The following SUCLG2 variants were observed in gnomAD, a reference collection of about 807,000 sequenced individuals.
SUCLG2 encodes succinate--CoA ligase [GDP-forming] subunit beta, mitochondrial.
A neutral mutation model predicts 47.9 loss-of-function variants in SUCLG2; 42 were observed. The ratio of observed to expected loss-of-function variants is 0.88; its 90% CI spans 0.69 to 1.14. SUCLG2 has a LOEUF of 1.14. Among genes scored for constraint, SUCLG2 ranks in the 50% most tolerant of loss-of-function variants. SUCLG2 has a pLI of 0.00. For synonymous variants in SUCLG2, 195 were observed against 197.3 expected (o/e 0.99, Z 0.10); for missense variants, 571 against 525.9 (o/e 1.09, Z -0.84).
chr3:67,399,602 T>A (rs1702637745), intron 10 of SUCLG2, among the ~76,000 whole-genome samples: 2 of 151,966 alleles, frequency 1.3e-5, no homozygotes, highest in South Asian at 4.1e-4. Context: ...ATGATGGTGG[T>A]AATATTAACA....
At chr3:67,365,260 C>T (rs1701859281) in intron 10 of SUCLG2, among the ~76,000 whole-genome samples, 1 of 152,094 alleles carries the variant, frequency 6.6e-6, no homozygotes, top group Admixed American at 6.5e-5. Flanking sequence ...TGAAAATTTA[C>T]CAAATTTGGC....
At position 67,580,997 on chromosome 3, in the gene SUCLG2, T is replaced by C. The variant is rs555011612; in HGVS notation, c.226+28458A>G. Among the ~76,000 whole-genome samples the C allele has an allele frequency of 7.2e-5, 11 of 152,316 alleles. No homozygotes were observed. The South Asian group carries it at 2.3e-3, about 32-fold the overall frequency. ...CACCTGTATCTATTAAGAATTGTGT[T>C]TGTGTTCCTGAAATCAAGGATCCTC... On this transcript the variant is annotated intron_variant, in intron 2 of 10. Coordinates refer to ENST00000307227, the MANE Select transcript of SUCLG2 (RefSeq NM_003848.4).
intron 9 of SUCLG2, among the ~76,000 whole-genome samples, chr3:67,437,068 T>C (rs1703642568): frequency 1.3e-5 from 2 of 152,166 alleles, no homozygotes; most frequent in African/African-American, 4.8e-5. Context: ...TATTATTAAT[T>C]TTGTATATTT....
At chr3:67,642,888 T>C (rs1701124906) in intron 1 of SUCLG2, among the ~76,000 whole-genome samples, 1 of 150,762 alleles carries the variant, frequency 6.6e-6, no homozygotes, top group Admixed American at 6.6e-5. Context: ...TTAATAGCCA[T>C]TGTACAGGCA....
chr3:67,400,189 C>T (rs1366288478), intron 10 of SUCLG2, among the ~76,000 whole-genome samples: 1 of 151,834 alleles, frequency 6.6e-6, no homozygotes, highest in Non-Finnish European at 1.5e-5. Flanking sequence ...AAAACAATGT[C>T]ATTATTCTTA....
chr3:67,598,603 G>A (rs1229532871), intron 2 of SUCLG2, among the ~76,000 whole-genome samples: 1 of 152,160 alleles, frequency 6.6e-6, no homozygotes, highest in Non-Finnish European at 1.5e-5. Flanking sequence ...TCGTGTGAAA[G>A]GTCACCTCAC....
chr3:67,534,111 C>G (rs1706474200), intron 2 of SUCLG2, among the ~76,000 whole-genome samples: 1 of 152,064 alleles, frequency 6.6e-6, no homozygotes, highest in African/African-American at 2.4e-5. Flanking sequence ...ATCTCCAGGA[C>G]AAGGATTTTA....
chr3:67,409,881 A>T lies in SUCLG2; in HGVS notation c.1063-9030T>A, dbSNP rs191139275. On this transcript the variant is annotated intron_variant, in intron 9 of 10. Coordinates refer to ENST00000307227, the MANE Select transcript of SUCLG2 (RefSeq NM_003848.4). ...AAAACTAATGTGAATACTGCACCAT[A>T]TAAATTATAAAGCCATACTTCCTCC... Among the ~76,000 whole-genome samples, 125 of 152,320 alleles carry T rather than the reference A, an allele frequency of 8.2e-4. 1 individual carries two copies. The highest frequency in any genetic ancestry group is 8.0e-3 in the Admixed American group (123 of 15,302).
intron 4 of SUCLG2, among the ~76,000 whole-genome samples, chr3:67,525,667 A>G (rs1706236548): frequency 6.6e-6 from 1 of 152,172 alleles, no homozygotes; most frequent in Non-Finnish European, 1.5e-5. Context: ...ATAAAACATA[A>G]AACTATAAAA....
chr3:67,396,009 C>T (rs1429787548), intron 10 of SUCLG2, among the ~76,000 whole-genome samples: 16 of 151,948 alleles, frequency 1.1e-4, no homozygotes, highest in Admixed American at 7.2e-4. Flanking sequence ...ATCTCTGGGA[C>T]ACATTCAAAG....
intron 9 of SUCLG2, among the ~76,000 whole-genome samples, chr3:67,426,011 C>T (rs1334657492): frequency 6.6e-6 from 1 of 152,124 alleles, no homozygotes; most frequent in Non-Finnish European, 1.5e-5. Context: ...AAGAATATAA[C>T]TCAATTACCA....
chr3:67,549,379 T>G (rs951874150), intron 2 of SUCLG2, among the ~76,000 whole-genome samples: 1 of 152,190 alleles, frequency 6.6e-6, no homozygotes, highest in South Asian at 2.1e-4. Context: ...GCCTGCAGGA[T>G]TTTTGAAAGG....
At chr3:67,582,852 T>C (rs1047157219) in intron 2 of SUCLG2, among the ~76,000 whole-genome samples, 2 of 151,980 alleles carry the variant, frequency 1.3e-5, no homozygotes, top group African/African-American at 4.8e-5. Flanking sequence ...TTTGGTGGAA[T>C]GACATTCCCC....
chr3:67,529,484 T>C (rs1706345479), intron 2 of SUCLG2, among the ~76,000 whole-genome samples: 1 of 152,212 alleles, frequency 6.6e-6, no homozygotes, highest in Non-Finnish European at 1.5e-5. Context: ...CAGAAGAAGC[T>C]AAATAAATCC....
intron 9 of SUCLG2, among the ~76,000 whole-genome samples, chr3:67,428,122 T>C (rs1030246418): frequency 6.6e-6 from 1 of 152,164 alleles, no homozygotes; most frequent in Non-Finnish European, 1.5e-5. Flanking sequence ...GTTTGAGAAC[T>C]GGAGAATGGA....
At chr3:67,469,439 A>T (rs1238481880) in intron 9 of SUCLG2, among the ~76,000 whole-genome samples, 6 of 152,022 alleles carry the variant, frequency 3.9e-5, no homozygotes, top group Non-Finnish European at 5.9e-5. Flanking sequence ...TTTTAAAATA[A>T]TTTTTTTTGG....
chr3:67,561,562 G>A (rs1161266471), intron 2 of SUCLG2, among the ~76,000 whole-genome samples: 2 of 152,114 alleles, frequency 1.3e-5, no homozygotes, highest in African/African-American at 4.8e-5. Context: ...AAGATTAAGT[G>A]TATCTTCATA....
intron 2 of SUCLG2, among the ~76,000 whole-genome samples, chr3:67,561,205 A>T (rs1707299065): frequency 6.6e-6 from 1 of 151,682 alleles, no homozygotes; most frequent in Non-Finnish European, 1.5e-5. Flanking sequence ...TGACTCCTAC[A>T]AACTGCACTG....
rs530127472 is a variant in SUCLG2, at chr3:67,570,691, G to A, written c.226+38764C>T. Among the ~76,000 whole-genome samples the A allele has an allele frequency of 2.6e-5, 4 of 152,236 alleles. No homozygotes were observed. The South Asian group carries it at 8.3e-4, about 32-fold the overall frequency. On this transcript the variant is annotated intron_variant, in intron 2 of 10. Coordinates refer to ENST00000307227, the MANE Select transcript of SUCLG2 (RefSeq NM_003848.4). Reference sequence around the variant, plus strand: ...AGGCTCGGGTGAGCTTCCCTGGCTGGCAATACTCTGTACATACAGTTACAC... The same window carrying A: ...AGGCTCGGGTGAGCTTCCCTGGCTGACAATACTCTGTACATACAGTTACAC...
Sources: allele counts gnomAD v4.1 joint callset (sites outside exome capture counted in the v4.1 genomes callset), GRCh38; gene constraint gnomAD v4.1.1; transcripts MANE v1.5; gene names NCBI Gene and HGNC (gene_info 2026-07-23, HGNC 2026-07-21).